MARCHF1: variants seen among roughly 807,000 people sequenced by gnomAD.
The protein encoded by MARCHF1 is E3 ubiquitin-protein ligase MARCHF1.
A neutral mutation model predicts 54.2 loss-of-function variants in MARCHF1; 40 were observed. The observed-to-expected ratio is 0.74, with a 90% CI of 0.57 to 0.96. MARCHF1 has a LOEUF of 0.96. MARCHF1 is among the 40% of genes least tolerant of loss of function. MARCHF1 has a pLI of 0.00. For synonymous variants in MARCHF1, 236 were observed against 236.3 expected (o/e 1.00, Z 0.01); for missense variants, 586 against 656.5 (o/e 0.89, Z 1.17).
intron 9 of MARCHF1, among the ~76,000 whole-genome samples, chr4:163,533,938 C>G (rs958048331): frequency 2.0e-5 from 3 of 151,826 alleles, no homozygotes; most frequent in African/African-American, 7.3e-5. Context: ...ACAATAAATG[C>G]TCATGATCTA....
At chr4:163,862,895 C>T (rs545325313) in intron 3 of MARCHF1, among the ~76,000 whole-genome samples, 1 of 151,866 alleles carries the variant, frequency 6.6e-6, no homozygotes, top group Non-Finnish European at 1.5e-5. Context: ...AGGAAATTAC[C>T]TATCAAACCA....
At chr4:163,957,126 C>T (rs1269112749) in intron 3 of MARCHF1, among the ~76,000 whole-genome samples, 1 of 151,256 alleles carries the variant, frequency 6.6e-6, no homozygotes, top group Non-Finnish European at 1.5e-5. Flanking sequence ...AATTTACTAA[C>T]AGAAATTTTC....
chr4:163,885,727 A>G (rs12640114), intron 3 of MARCHF1, among the ~76,000 whole-genome samples: 59,123 of 151,504 alleles, frequency 0.39, 12,680 homozygotes, highest in Middle Eastern at 0.56. Flanking sequence ...TAATGTACAC[A>G]ATATAATGAT....
intron 7 of MARCHF1, among the ~76,000 whole-genome samples, chr4:163,594,794 C>A (rs7682100): frequency 1.7e-3 from 250 of 149,018 alleles, no homozygotes; most frequent in African/African-American, 6.2e-3. Context: ...ACACCCAAAC[C>A]CAAACAAGAT....
intron 2 of MARCHF1, among the ~76,000 whole-genome samples, chr4:164,022,292 C>G (rs1174751874): frequency 6.6e-6 from 1 of 152,168 alleles, no homozygotes; most frequent in South Asian, 2.1e-4. Context: ...AGAAGGATAA[C>G]TGGAAGGATG....
intron 2 of MARCHF1, among the ~76,000 whole-genome samples, chr4:164,049,245 C>G (rs1278068718): frequency 1.3e-5 from 2 of 152,110 alleles, no homozygotes; most frequent in Admixed American, 6.5e-5. Context: ...CACTTAAAAC[C>G]ATCAGCTTGC....
chr4:164,207,712 C>A (rs941633861), intron 1 of MARCHF1, among the ~76,000 whole-genome samples: 1 of 152,118 alleles, frequency 6.6e-6, no homozygotes, highest in South Asian at 2.1e-4. Flanking sequence ...CTGCTGAAGA[C>A]TGTGTGCACT....
At position 164,252,692 on chromosome 4, in the gene MARCHF1, C is replaced by G. The variant is rs141588127; in HGVS notation, c.-323+131178G>C. 2.8e-3 allele frequency among the ~76,000 whole-genome samples: 426 copies of G among 152,130 alleles called. 3 individuals are homozygous for G. The highest frequency in any genetic ancestry group is 9.7e-3 in the African/African-American group (404 of 41,500). The stretch of plus-strand genomic sequence containing the variant: ...TCAATCAATCAATTATTTACTTTAA[C>G]AAGTTAATATCCTCAGAGATAAGAG... On this transcript the variant is annotated intron_variant, in intron 1 of 9. Coordinates refer to ENST00000514618, the MANE Select transcript of MARCHF1 (RefSeq NM_001394959.1).
In MARCHF1 at chr4:164,101,895, G is replaced by T. The variant is rs1211069224; in HGVS notation, c.-248+9693C>A. Reference sequence around the variant, plus strand: ...AATTTAGAAGAATGTATAACTAGAAGAACCAATACAGAGAAGTGCTTAAAG... The same window carrying T: ...AATTTAGAAGAATGTATAACTAGAATAACCAATACAGAGAAGTGCTTAAAG... On this transcript the variant is annotated intron_variant, in intron 2 of 9. Transcript: ENST00000514618. Among the ~76,000 whole-genome samples, 254 of 151,422 alleles carry T rather than the reference G, an allele frequency of 1.7e-3. 3 individuals are homozygous for T. Among genetic ancestry groups the T allele is most frequent in the Admixed American group, 0.015 (220 of 14,888 alleles).
intron 3 of MARCHF1, among the ~76,000 whole-genome samples, chr4:163,870,633 C>T (rs1172899853): frequency 6.6e-6 from 1 of 151,948 alleles, no homozygotes; most frequent in Admixed American, 6.6e-5. Flanking sequence ...TCTGTTGTAG[C>T]TTAGAGAAAG....
chr4:163,973,936 G>A (rs1752599996), intron 3 of MARCHF1, among the ~76,000 whole-genome samples: 1 of 152,126 alleles, frequency 6.6e-6, no homozygotes, highest in African/African-American at 2.4e-5. Flanking sequence ...TAGCACAGTA[G>A]GAAAAAATAA....
In MARCHF1 at chr4:164,085,305, T is replaced by G. The variant is rs138138164; in HGVS notation, c.-248+26283A>C. Among the ~76,000 whole-genome samples, 908 of 151,918 alleles carry G rather than the reference T, an allele frequency of 6.0e-3. 9 individuals are homozygous for G. Among genetic ancestry groups the G allele is most frequent in the African/African-American group, 0.021 (863 of 41,558 alleles). On this transcript the variant is annotated intron_variant, in intron 2 of 9. Coordinates refer to ENST00000514618, the MANE Select transcript of MARCHF1 (RefSeq NM_001394959.1). ...AAAATCCCTAGATAAACCAAAAATA[T>G]TAGTTTTATGAGGCTTTGCAAGCAA...
chr4:163,644,278 T>C (rs1742669443), intron 5 of MARCHF1, among the ~76,000 whole-genome samples: 1 of 152,110 alleles, frequency 6.6e-6, no homozygotes, highest in African/African-American at 2.4e-5. Flanking sequence ...GTGGGAGCCT[T>C]GGAATTCAAG....
chr4:163,739,487 T>C (rs951130318), intron 4 of MARCHF1, among the ~76,000 whole-genome samples: 5 of 152,240 alleles, frequency 3.3e-5, no homozygotes, highest in Admixed American at 2.6e-4. Flanking sequence ...GTGTGGTAAG[T>C]GTTATAGAAC....
At chr4:163,939,859 C>G (rs1221642248) in intron 3 of MARCHF1, among the ~76,000 whole-genome samples, 2 of 152,142 alleles carry the variant, frequency 1.3e-5, no homozygotes, top group African/African-American at 4.8e-5. Flanking sequence ...CATGTTTGAA[C>G]TGACTAGAGA....
At chr4:164,309,186 C>T (rs75353967) in intron 1 of MARCHF1, among the ~76,000 whole-genome samples, 5,351 of 149,844 alleles carry the variant, frequency 0.036, 181 homozygotes, top group East Asian at 0.12. Context: ...CATTTGTGTA[C>T]GTGGCCAAAA....
chr4:163,716,814 C>A (rs1298601355), intron 4 of MARCHF1, among the ~76,000 whole-genome samples: 1 of 152,126 alleles, frequency 6.6e-6, no homozygotes, highest in Non-Finnish European at 1.5e-5. Context: ...CAAACTATTA[C>A]AAATCCAGAG....
chr4:163,949,433 G>A (rs1187121796), intron 3 of MARCHF1, among the ~76,000 whole-genome samples: 1 of 152,180 alleles, frequency 6.6e-6, no homozygotes, highest in Admixed American at 6.5e-5. Flanking sequence ...GCTGCAGCTC[G>A]TCTATCCTCT....
intron 8 of MARCHF1, among the ~76,000 whole-genome samples, chr4:163,563,380 C>T (rs1437028068): frequency 6.6e-6 from 1 of 152,186 alleles, no homozygotes; most frequent in Non-Finnish European, 1.5e-5. Flanking sequence ...ATGGTTTATC[C>T]TCTGCGGGTT....
Sources: gnomAD v4.1 joint callset for allele counts (sites outside exome capture counted in the v4.1 genomes callset) on GRCh38, gnomAD v4.1.1 for gene constraint, MANE v1.5 for transcripts, NCBI Gene and HGNC (gene_info 2026-07-23, HGNC 2026-07-21) for gene names.